The following ABHD12 variants were observed in gnomAD, a reference collection of about 807,000 sequenced individuals.
ABHD12 encodes abhydrolase domain containing 12, lysophospholipase.
Under a neutral mutation model 58.3 loss-of-function variants are expected in ABHD12, and 43 were observed. The ratio of observed to expected loss-of-function variants is 0.74; its 90% CI spans 0.58 to 0.95. ABHD12 has a LOEUF of 0.95. ABHD12 is among the 40% of genes least tolerant of loss of function. ABHD12 has a pLI of 0.00. For synonymous variants in ABHD12, 219 were observed against 211.2 expected (o/e 1.04, Z -0.32); for missense variants, 539 against 537.2 (o/e 1.00, Z -0.03).
chr20:25,295,535 C>T (rs1230076299), downstream of ABHD12: 1 of 1,526,030 alleles, frequency 6.6e-7, no homozygotes, highest in African/African-American at 1.4e-5. Context: ...TGCCCTGGGA[C>T]TCTCCCCTCG....
At position 25,390,759 on chromosome 20, in the gene ABHD12, C is replaced by T; in HGVS notation, c.-56G>A. 4.2e-6 allele frequency: 5 copies of T among 1,183,448 alleles called. No individual in the cohort carries two copies. The highest frequency in any genetic ancestry group is 3.3e-4 in the Middle Eastern group (1 of 2,990). The allele number at this position is 1,183,448 out of a possible 1,614,324, so 73.3% of individuals were successfully genotyped here. On this transcript the variant is annotated 5_prime_UTR_variant, in exon 1 of 13. Coordinates refer to ENST00000339157, the MANE Select transcript of ABHD12 (RefSeq NM_001042472.3). The stretch of plus-strand genomic sequence containing the variant: ...CGCCCGCTGGCCTGCGCCGCAGTGC[C>T]GCCGCTCACAGCCGCCGCCACCCAG...
At chr20:25,357,141 GC>G (rs1279009768) in intron 1 of ABHD12, among the ~76,000 whole-genome samples, 6 of 152,134 alleles carry the variant, frequency 3.9e-5, no homozygotes, top group Non-Finnish European at 1.5e-5. Context: ...AGGACCCTGT[GC>G]CCCATGCTGC....
intron 1 of ABHD12, among the ~76,000 whole-genome samples, chr20:25,383,202 C>T (rs1217221441): frequency 1.3e-5 from 2 of 152,194 alleles, no homozygotes; most frequent in Admixed American, 6.5e-5. Flanking sequence ...ATGTTAACCT[C>T]AGCCACCCAC....
chr20:25,384,285 A>C (rs964302887), intron 1 of ABHD12, among the ~76,000 whole-genome samples: 15 of 150,628 alleles, frequency 1.0e-4, no homozygotes, highest in African/African-American at 3.4e-4. Flanking sequence ...TTACCTTTAA[A>C]AATTATCTTT....
At chr20:25,350,903 C>T (rs1340864265) in intron 1 of ABHD12, among the ~76,000 whole-genome samples, 1 of 149,648 alleles carries the variant, frequency 6.7e-6, no homozygotes, top group East Asian at 2.1e-4. Context: ...GATACCAGAG[C>T]ATTTAAAAAA....
Position 25,295,097 on chromosome 20 carries a change from T to C in ABHD12, c.1158-67A>G, listed in dbSNP as rs1158322578. Reference sequence around the variant, plus strand: ...TTCGTGAAGTGTGCTTCTGACTCGATAGTGAACAGAAATGCATTTGTAGAT... The same window carrying C: ...TTCGTGAAGTGTGCTTCTGACTCGACAGTGAACAGAAATGCATTTGTAGAT... On this transcript the variant is annotated intron_variant, in intron 12 of 12. Transcript: ENST00000376542. 13 of 1,482,858 alleles carry C rather than the reference T, an allele frequency of 8.8e-6. No homozygotes were observed. The East Asian group carries it at 9.0e-5, about 10-fold the overall frequency. 91.9% of individuals were successfully genotyped at this position (1,482,858 alleles called of 1,614,324 possible).
chr20:25,374,250 A>G (rs1568771010), intron 1 of ABHD12, among the ~76,000 whole-genome samples: 1 of 152,008 alleles, frequency 6.6e-6, no homozygotes, highest in Non-Finnish European at 1.5e-5. Flanking sequence ...GTGTGCCACC[A>G]CACCTGGCCT....
intron 6 of ABHD12, 135 bp downstream of exon 6, chr20:25,314,790 A>T: frequency 1.0e-6 from 1 of 994,876 alleles, no homozygotes; most frequent in Non-Finnish European, 1.6e-6. Context: ...CTTTGTCAGG[A>T]CCCAGGACAC....
chr20:25,339,390 G>C (rs770377992), intron 1 of ABHD12, 39 bp from the exon 2 acceptor site: 1 of 1,613,750 alleles, frequency 6.2e-7, no homozygotes, highest in East Asian at 2.2e-5. Context: ...GAAGGCAGTA[G>C]GTGCCATTTT....
chr20:25,376,053 C>T (rs2089958823), intron 1 of ABHD12, among the ~76,000 whole-genome samples: 1 of 152,084 alleles, frequency 6.6e-6, no homozygotes, highest in East Asian at 1.9e-4. Context: ...AGCTGGGAGG[C>T]GGAGATTGTA....
intron 1 of ABHD12, among the ~76,000 whole-genome samples, chr20:25,356,871 C>T (rs536984412): frequency 1.5e-4 from 23 of 152,262 alleles, no homozygotes; most frequent in African/African-American, 3.9e-4. Context: ...GCACAGTGCA[C>T]GCACCTGTAA....
At chr20:25,359,296 C>T (rs890372479) in intron 1 of ABHD12, among the ~76,000 whole-genome samples, 2 of 149,858 alleles carry the variant, frequency 1.3e-5, no homozygotes, top group African/African-American at 4.9e-5. Flanking sequence ...TGATGGCGGG[C>T]GCCTGTAGTC....
Position 25,308,031 on chromosome 20 carries a change from C to T in ABHD12, c.802G>A (p.Ala268Thr). 1.9e-6 allele frequency: 3 copies of T among 1,606,142 alleles called. No homozygotes were observed. The highest frequency in any genetic ancestry group is 3.3e-4 in the Middle Eastern group (2 of 6,044). Residue 268 changes from alanine to threonine, a missense_variant, in exon 9 of 13, where the codon GCC (alanine) becomes ACC (threonine). Physicochemically the swap from Ala to Thr is moderately conservative, Grantham distance 58. Transcript: ENST00000339157. Reference protein sequence around the residue: ...RLCERETPPDALILESPFTNI... With the variant: ...RLCERETPPDTLILESPFTNI... ...GTGAATGGAGATTCCAATATAAGGG[C>T]ATCTGGAGGCGTCTCTAGATAAACA...
intron 1 of ABHD12, chr20:25,339,725 C>G: frequency 7.4e-7 from 1 of 1,354,722 alleles, no homozygotes; most frequent in Non-Finnish European, 9.8e-7. Context: ...CCTCCTCAGG[C>G]CTCCCGATCC....
At chr20:25,345,037 T>C (rs1392318987) in intron 1 of ABHD12, among the ~76,000 whole-genome samples, 1 of 150,294 alleles carries the variant, frequency 6.7e-6, no homozygotes, top group Non-Finnish European at 1.5e-5. Context: ...ATAAAACTCC[T>C]AGGAGATAAC....
intron 1 of ABHD12, among the ~76,000 whole-genome samples, chr20:25,343,045 T>C (rs1409403671): frequency 6.6e-6 from 1 of 152,208 alleles, no homozygotes; most frequent in Admixed American, 6.5e-5. Context: ...TCCACCTACC[T>C]TGGCCTCCCA....
chr20:25,325,267 C>T (rs2089155158), intron 2 of ABHD12, among the ~76,000 whole-genome samples: 1 of 151,542 alleles, frequency 6.6e-6, no homozygotes, highest in Admixed American at 6.6e-5. Context: ...GCTGCACAGC[C>T]CTGCCTCCTG....
At position 25,390,476 on chromosome 20, in the gene ABHD12, G is replaced by GCCCCCCCCC. The variant is rs773039836; in HGVS notation, c.191+36_191+37insGGGGGGGGG. The GCCCCCCCCC allele has an allele frequency of 1.2e-4, 127 of 1,034,788 alleles. 1 individual carries two copies. Among genetic ancestry groups the GCCCCCCCCC allele is most frequent in the East Asian group, 5.8e-4 (3 of 5,182 alleles). 64.1% of individuals were successfully genotyped at this position (1,034,788 alleles called of 1,614,324 possible). On this transcript the variant is annotated intron_variant, in intron 1 of 12. Transcript: ENST00000339157. ...ACGCACCTGCGCAAAGTGAGGGACC[G>GCCCCCCCCC]GCCCCCCCCCCCCCCCCGCTCCGCG...
rs191760517 is a variant in ABHD12 at position 25,345,289 on chromosome 20, G to A, written c.192-5938C>T. 4.1e-4 allele frequency among the ~76,000 whole-genome samples: 63 copies of A among 152,206 alleles called. No homozygotes were observed. The East Asian group carries it at 0.011, about 28-fold the overall frequency. On this transcript the variant is annotated intron_variant, in intron 1 of 12. Transcript: ENST00000339157. ...TTTAGTAGAGACGGGGTTTCACCGT[G>A]TTAGCTAGGATGGTCTTGATCTCCT...
Sources: gnomAD v4.1 joint callset for allele counts (sites outside exome capture counted in the v4.1 genomes callset) on GRCh38, gnomAD v4.1.1 for gene constraint, MANE v1.5 for transcripts, NCBI Gene and HGNC (gene_info 2026-07-23, HGNC 2026-07-21) for gene names.